The following KTN1 variants were observed in gnomAD, a reference collection of about 807,000 sequenced individuals.
KTN1 encodes kinectin 1, also known as kinectin.
In KTN1, 130 loss-of-function variants were observed where a neutral mutation model predicts 222.5. The ratio of observed to expected loss-of-function variants is 0.58; its 90% CI spans 0.51 to 0.68. The LOEUF (loss-of-function observed/expected upper bound fraction) is 0.68, where lower values mean the gene tolerates loss of function less well. Among genes scored for constraint, KTN1 ranks in the 30% least tolerant of loss-of-function variants. The pLI is 0.00. For synonymous variants in KTN1, 512 were observed against 496.3 expected (o/e 1.03, Z -0.42); for missense variants, 1,508 against 1,500.4 (o/e 1.01, Z -0.08).
In KTN1 at chr14:55,672,997, T is replaced by G. The variant is rs1213627091; in HGVS notation, c.3672T>G (p.Val1224=). Residue 1224 remains valine (V), a synonymous_variant, in exon 39 of 44, where the codon GTT becomes GTG. Transcript: ENST00000395314. ...CAGAGATGGAACGATCTACCTATGT[T>G]ACAGAAGTCAGAGAGGTACTTACAA... ...EKAEMERSTY[V]TEVRELKDLL... 6.2e-7 allele frequency: 1 copy of G among 1,611,942 alleles called. No homozygotes were observed. The highest frequency in any genetic ancestry group is 1.1e-5 in the South Asian group (1 of 91,032).
chr14:55,649,973 C>G (rs1056677363), intron 22 of KTN1, among the ~76,000 whole-genome samples, 160 bp downstream of exon 22: 1 of 148,004 alleles, frequency 6.8e-6, no homozygotes, highest in African/African-American at 2.5e-5. Context: ...CTTAGCTGTG[C>G]TTTCCCAAAT....
chr14:55,616,268 T>C (rs2140696737), intron 2 of KTN1, among the ~76,000 whole-genome samples: 1 of 152,078 alleles, frequency 6.6e-6, no homozygotes, highest in South Asian at 2.1e-4. Context: ...TTTAAGATGA[T>C]AGAGACTTGA....
At chr14:55,641,257 A>G (rs374254559) in intron 17 of KTN1, 49 bp downstream of exon 17, 16 of 1,059,592 alleles carry the variant, frequency 1.5e-5, no homozygotes, top group East Asian at 7.2e-5. Context: ...AACCTTGTAT[A>G]CTTTTCAGTT....
chr14:55,638,977 T>TA (rs1232025678), intron 12 of KTN1, among the ~76,000 whole-genome samples: 2 of 151,872 alleles, frequency 1.3e-5, no homozygotes, highest in African/African-American at 2.4e-5. Flanking sequence ...TGTCTTGTGA[T>TA]ATGTAATTCG....
At chr14:55,661,439 A>G (rs2044129503) in intron 31 of KTN1, 83 bp from the exon 32 acceptor site, 1 of 723,278 alleles carries the variant, frequency 1.4e-6, no homozygotes, top group South Asian at 1.8e-5. Context: ...TTATTTTGTA[A>G]TAGCAAATGT....
chr14:55,631,314 G>T, intron 7 of KTN1, among the ~76,000 whole-genome samples: 1 of 130,772 alleles, frequency 7.6e-6, no homozygotes, highest in Non-Finnish European at 1.6e-5. Context: ...TTTAATATAT[G>T]TCTAAAACTC....
At chr14:55,653,329 G>A (rs1024944263) in intron 27 of KTN1, among the ~76,000 whole-genome samples, 5 of 152,066 alleles carry the variant, frequency 3.3e-5, no homozygotes, top group Non-Finnish European at 5.9e-5. Context: ...TAGACTCTTA[G>A]TTCATCCTTA....
chr14:55,608,872 C>T (rs147364056), intron 1 of KTN1, among the ~76,000 whole-genome samples: 3,411 of 152,044 alleles, frequency 0.022, 88 homozygotes, highest in Non-Finnish European at 0.029. Flanking sequence ...TCAAGTGATC[C>T]GCCTGCCTCG....
At chr14:55,591,531 G>T (rs750899084) in intron 1 of KTN1, among the ~76,000 whole-genome samples, 2 of 147,940 alleles carry the variant, frequency 1.4e-5, no homozygotes, top group Non-Finnish European at 3.0e-5. Flanking sequence ...TTAGCCTATT[G>T]TGTGTGAATT....
At position 55,616,602 on chromosome 14, in the gene KTN1, A is replaced by G; in HGVS notation, c.609A>G (p.Glu203=). 6.2e-7 allele frequency: 1 copy of G among 1,608,628 alleles called. No individual in the cohort carries two copies. The highest frequency in any genetic ancestry group is 8.5e-7 in the Non-Finnish European group (1 of 1,178,514). The change falls in exon 3 of 44, where the codon GAA becomes GAG. Residue 203 remains glutamate, a synonymous_variant. Transcript: ENST00000395314. ...CCCTCCACCAAGAGACTAAACAAGA[A>G]AGTGGATCAGGGAAGAAGAAAGCTT... The part of the protein sequence containing the change: ...ALPLHQETKQ[E]SGSGKKKASS...
chr14:55,625,207 A>T, intron 5 of KTN1, among the ~76,000 whole-genome samples: 1 of 152,114 alleles, frequency 6.6e-6, no homozygotes, highest in Non-Finnish European at 1.5e-5. Flanking sequence ...CTAAAATGGG[A>T]ATGATCAAGT....
Position 55,670,743 on chromosome 14 carries a change from G to A in KTN1, c.3282G>A (p.Trp1094Ter). Residue 1094 changes from tryptophan (W) to a stop codon, truncating the protein, a stop_gained, in exon 35 of 44, where the codon TGG (tryptophan) becomes TGA (stop). Coordinates refer to ENST00000395314, the MANE Select transcript of KTN1 (RefSeq NM_001079521.2). LOFTEE classifies it high-confidence loss of function. ...SVPSNLSYGE[W>*]LHGFEKKAKE... The stretch of plus-strand genomic sequence containing the variant: ...CTCGTCCACAGAGTTATGGTGAATG[G>A]TTGCATGGATTTGAAAAAAAGGCAA... The A allele has an allele frequency of 6.2e-7, 1 of 1,608,530 alleles. No individual in the cohort carries two copies. The highest frequency in any genetic ancestry group is 1.1e-5 in the South Asian group (1 of 90,690).
In KTN1 at chr14:55,658,097, G is replaced by T. The variant is rs572180735; in HGVS notation, c.2893-449G>T. The stretch of plus-strand genomic sequence containing the variant: ...ATAACAGTAGTAATTCCGTTCCCCA[G>T]GGGGACATTTGTCAATATCTGAAGA... On this transcript the variant is annotated intron_variant, in intron 29 of 43. Coordinates refer to ENST00000395314, the MANE Select transcript of KTN1 (RefSeq NM_001079521.2). Among the ~76,000 whole-genome samples the T allele has an allele frequency of 4.6e-5, 7 of 152,194 alleles. No homozygotes were observed. In the South Asian group the frequency reaches 8.3e-4, roughly 18 times the overall value.
chr14:55,678,502 G>T lies in KTN1; in HGVS notation c.3948+58G>T, dbSNP rs570162440. The T allele has an allele frequency of 5.0e-6, 5 of 1,007,892 alleles. No individual in the cohort carries two copies. The South Asian group carries it at 6.5e-5, about 13-fold the overall frequency. 62.4% of individuals were successfully genotyped at this position (1,007,892 alleles called of 1,614,324 possible). A position where few individuals can be genotyped will look rare whatever the true frequency, so the allele number is the denominator to read the frequency against. ...CTAGTTACCTTGTGACCTGTGTAAAGAACAAAAATGTATAAGGTCCATCTC... is the reference window on the plus strand; with the variant it reads ...CTAGTTACCTTGTGACCTGTGTAAATAACAAAAATGTATAAGGTCCATCTC... On this transcript the variant is annotated intron_variant, in intron 42 of 43. Coordinates refer to ENST00000395314, the MANE Select transcript of KTN1 (RefSeq NM_001079521.2).
chr14:55,584,271 T>C (rs10137340), intron 1 of KTN1, among the ~76,000 whole-genome samples: 12,275 of 152,228 alleles, frequency 0.081, 537 homozygotes, highest in South Asian at 0.12. Flanking sequence ...GCTCCAATGG[T>C]TTTCCTAAGG....
At chr14:55,585,131 CAAA>C (rs752597184) in intron 1 of KTN1, among the ~76,000 whole-genome samples, 100 of 54,510 alleles carry the variant, frequency 1.8e-3, no homozygotes, top group African/African-American at 6.7e-3. Flanking sequence ...GACTGTGTCT[CAAA>C]AAAAAAAAAA....
intron 43 of KTN1, chr14:55,681,534 GATA>G (rs1182312734): frequency 2.0e-5 from 3 of 152,066 alleles, no homozygotes. Context: ...ATGAATCATT[GATA>G]ATAACACTTT....
intron 1 of KTN1, among the ~76,000 whole-genome samples, chr14:55,590,246 T>C (rs752925346): frequency 1.0e-3 from 155 of 152,308 alleles, no homozygotes; most frequent in Non-Finnish European, 1.4e-3. Flanking sequence ...TATTGTTTTA[T>C]TGAAAGTTGA....
At chr14:55,658,442 T>C in intron 29 of KTN1, 104 bp from the exon 30 acceptor site, 1 of 709,598 alleles carries the variant, frequency 1.4e-6, no homozygotes, top group South Asian at 1.7e-5. Context: ...TTATTGCTAT[T>C]TTGGAATTTT....
Sources: gnomAD v4.1 joint callset for allele counts (sites outside exome capture counted in the v4.1 genomes callset) on GRCh38, gnomAD v4.1.1 for gene constraint, MANE v1.5 for transcripts, NCBI Gene and HGNC (gene_info 2026-07-23, HGNC 2026-07-21) for gene names.